The following MAGI1 variants were observed in gnomAD, a reference collection of about 807,000 sequenced individuals.
MAGI1 encodes membrane associated guanylate kinase, WW and PDZ domain containing 1.
Under a neutral mutation model 139.9 loss-of-function variants are expected in MAGI1, and 58 were observed. The ratio of observed to expected loss-of-function variants is 0.41; its 90% confidence interval spans 0.34 to 0.52. The LOEUF (loss-of-function observed/expected upper bound fraction) is 0.52, where lower values mean the gene tolerates loss of function less well. Among genes scored for constraint, MAGI1 ranks in the 20% least tolerant of loss-of-function variants. MAGI1 has a pLI of 0.12. For synonymous variants in MAGI1, 812 were observed against 737.9 expected (o/e 1.10, Z -1.63); for missense variants, 1,874 against 1,901.6 (o/e 0.99, Z 0.27).
In MAGI1 at chr3:65,429,508, A is replaced by C. The variant is rs758660198; in HGVS notation, c.2167+12T>G. 1.3e-6 allele frequency: 2 copies of C among 1,584,448 alleles called. No individual in the cohort carries two copies. Among genetic ancestry groups the C allele is most frequent in the Middle Eastern group, 1.7e-4 (1 of 5,864 alleles). On this transcript the variant is annotated intron_variant, in intron 12 of 22. Coordinates refer to ENST00000402939, the MANE Select transcript of MAGI1 (RefSeq NM_001033057.2). ...AAAAAAAAAATTCAAAGAACAAAAC[A>C]ACCCTACTTACCTCCTCGTTGCACC...
Position 66,038,022 on chromosome 3 carries a change from G to C in MAGI1, c.287C>G (p.Ala96Gly), listed in dbSNP as rs771111029. 10 of 1,598,248 alleles carry C rather than the reference G, an allele frequency of 6.3e-6. No individual in the cohort carries two copies. The South Asian group carries it at 1.1e-4, about 18-fold the overall frequency. Residue 96 changes from alanine to glycine, a missense_variant, in exon 1 of 23, where the codon GCC becomes GGC. This residue lies in a region of MAGI1 where 648 missense variants were observed against 598.1 expected (regional missense o/e 1.08). Transcript: ENST00000402939. ...VLGVIDSCKE[A>G]VTFKAVRQGG... ...TTGTCTGACGGCCTTGAAGGTGACG[G>C]CCTCCTTGCAGCTGTCGATGACCCC...
intron 13 of MAGI1, among the ~76,000 whole-genome samples, chr3:65,392,459 G>T (rs1015615557): frequency 6.6e-6 from 1 of 152,074 alleles, no homozygotes; most frequent in Non-Finnish European, 1.5e-5. Context: ...ACAGGAAAGG[G>T]CTCTCCATTC....
intron 1 of MAGI1, among the ~76,000 whole-genome samples, chr3:65,663,896 A>G (rs1267458671): frequency 6.6e-6 from 1 of 152,196 alleles, no homozygotes; most frequent in Non-Finnish European, 1.5e-5. Flanking sequence ...AAGCAACCCC[A>G]CTGTGAACCA....
intron 1 of MAGI1, among the ~76,000 whole-genome samples, chr3:65,731,898 A>G (rs901874112): frequency 6.6e-6 from 1 of 152,174 alleles, no homozygotes; most frequent in African/African-American, 2.4e-5. Context: ...CACAGGAAAG[A>G]ATGAGGGTCT....
chr3:65,642,374 A>G (rs1188875910), intron 1 of MAGI1, among the ~76,000 whole-genome samples: 1 of 152,206 alleles, frequency 6.6e-6, no homozygotes, highest in Admixed American at 6.5e-5. Flanking sequence ...CAAACATGCT[A>G]TGACCATCAA....
At chr3:65,886,962 C>A (rs1430438135) in intron 1 of MAGI1, among the ~76,000 whole-genome samples, 1 of 152,164 alleles carries the variant, frequency 6.6e-6, no homozygotes, top group Admixed American at 6.5e-5. Context: ...ACACCACTGT[C>A]ATTTCTTAAT....
At chr3:66,031,210 T>A (rs1194614921) in intron 1 of MAGI1, among the ~76,000 whole-genome samples, 1 of 152,226 alleles carries the variant, frequency 6.6e-6, no homozygotes, top group Non-Finnish European at 1.5e-5. Flanking sequence ...ACAGCCTTTA[T>A]TCTCAGTGTA....
chr3:65,485,492 T>C (rs1188320170), intron 3 of MAGI1, among the ~76,000 whole-genome samples: 2 of 152,172 alleles, frequency 1.3e-5, no homozygotes, highest in Admixed American at 1.3e-4. Context: ...TAATAGGTTT[T>C]TGTCAAGATT....
chr3:65,548,511 C>CTTTTTTTTTTTTTT lies in MAGI1; in HGVS notation c.431-54894_431-54881dup, dbSNP rs1170215972. Among the ~76,000 whole-genome samples, 72 of 87,380 alleles carry CTTTTTTTTTTTTTT rather than the reference C, an allele frequency of 8.2e-4. 5 individuals carry two copies. Among genetic ancestry groups the CTTTTTTTTTTTTTT allele is most frequent in the African/African-American group, 1.5e-3 (33 of 21,302 alleles). 57.3% of individuals were successfully genotyped at this position (87,380 alleles called of 152,430 possible). On this transcript the variant is annotated intron_variant, in intron 2 of 22. Coordinates refer to ENST00000402939, the MANE Select transcript of MAGI1 (RefSeq NM_001033057.2). ...AGCCCAGCTTTATGCAAACAACACT[C>CTTTTTTTTTTTTTT]TTTTTTTTTTTTTTTTTTTTTTTTT...
At chr3:65,503,854 G>A (rs1308677127) in intron 2 of MAGI1, among the ~76,000 whole-genome samples, 1 of 152,146 alleles carries the variant, frequency 6.6e-6, no homozygotes. Flanking sequence ...AAAAGAAGAA[G>A]TTTTGAGTGC....
chr3:65,920,911 C>A (rs906132648), intron 1 of MAGI1, among the ~76,000 whole-genome samples: 6 of 152,008 alleles, frequency 3.9e-5, no homozygotes, highest in African/African-American at 9.7e-5. Flanking sequence ...CACCTGTAAT[C>A]CCAGCTACTC....
At chr3:65,574,422 A>C (rs1292574863) in intron 2 of MAGI1, among the ~76,000 whole-genome samples, 2 of 149,496 alleles carry the variant, frequency 1.3e-5, no homozygotes, top group Non-Finnish European at 3.0e-5. Context: ...CTGACTGGAG[A>C]TGTAAATGAC....
chr3:65,380,112 T>C lies in MAGI1; in HGVS notation c.2702-558A>G, dbSNP rs138386941. Among the ~76,000 whole-genome samples, 4 of 152,364 alleles carry C rather than the reference T, an allele frequency of 2.6e-5. No individual in the cohort carries two copies. The East Asian group carries it at 7.7e-4, about 29-fold the overall frequency. On this transcript the variant is annotated intron_variant, in intron 16 of 22. Transcript: ENST00000402939. ...CCTGTGAGACATACACATGCTTCTC[T>C]TCTTAGCTTCCAGGTGTCAACATCG... is the stretch of plus-strand genomic sequence containing the variant.
intron 1 of MAGI1, among the ~76,000 whole-genome samples, chr3:65,864,399 A>T (rs2059652078): frequency 6.6e-6 from 1 of 152,176 alleles, no homozygotes; most frequent in Non-Finnish European, 1.5e-5. Flanking sequence ...GTGATGGATG[A>T]AATAGCTTTC....
intron 12 of MAGI1, among the ~76,000 whole-genome samples, chr3:65,407,267 C>T (rs4688564): frequency 0.3 from 45,816 of 151,504 alleles, 7,790 homozygotes; most frequent in South Asian, 0.44. Context: ...GCCAACATGG[C>T]GAAACCCTAT....
chr3:65,700,446 T>C (rs1431666666), intron 1 of MAGI1, among the ~76,000 whole-genome samples: 1 of 148,316 alleles, frequency 6.7e-6, no homozygotes, highest in Admixed American at 6.7e-5. Flanking sequence ...CGAGACTCCA[T>C]CTCAAAATAA....
intron 1 of MAGI1, chr3:65,687,993 AG>A (rs1269184747): frequency 2.4e-6 from 2 of 826,660 alleles, no homozygotes; most frequent in Non-Finnish European, 2.1e-6. Flanking sequence ...GAAGGACTTG[AG>A]GGTTTCGTTT....
intron 12 of MAGI1, among the ~76,000 whole-genome samples, chr3:65,414,737 A>G (rs903752665): frequency 3.9e-5 from 6 of 152,122 alleles, no homozygotes; most frequent in Non-Finnish European, 8.8e-5. Context: ...ACCTTTTCAT[A>G]AGAAAAAAAA....
intron 2 of MAGI1, among the ~76,000 whole-genome samples, chr3:65,607,296 A>G (rs2082794510): frequency 6.6e-6 from 1 of 151,728 alleles, no homozygotes; most frequent in Non-Finnish European, 1.5e-5. Context: ...CCTTCCTGCT[A>G]CAGGTCACAC....
Sources: gnomAD v4.1 joint callset for allele counts (sites outside exome capture counted in the v4.1 genomes callset) on GRCh38, gnomAD v4.1.1 for gene constraint, gnomAD v4.1.1 regional missense constraint, MANE v1.5 for transcripts, NCBI Gene and HGNC (gene_info 2026-07-23, HGNC 2026-07-21) for gene names.